SHC3: variants seen among roughly 807,000 people sequenced by gnomAD.
The protein encoded by SHC3 is SHC-transforming protein 3.
A neutral mutation model predicts 60.4 loss-of-function variants in SHC3; 15 were observed. That is an observed-to-expected ratio of 0.25 (90% CI 0.17 to 0.38). SHC3 has a LOEUF of 0.38. SHC3 is among the 10% of genes least tolerant of loss of function. SHC3 has a pLI of 1.00. For missense variants in SHC3, 677 were observed against 786.1 expected (o/e 0.86, Z 1.66); for synonymous variants, 294 against 325.9 (o/e 0.90, Z 1.05).
At chr9:89,105,508 T>C (rs142462891) in intron 2 of SHC3, among the ~76,000 whole-genome samples, 1 of 152,326 alleles carries the variant, frequency 6.6e-6, no homozygotes, top group Non-Finnish European at 1.5e-5. Flanking sequence ...AAATGGCATG[T>C]TCATATGGTT....
chr9:89,165,324 T>C (rs988720839), intron 1 of SHC3, among the ~76,000 whole-genome samples: 1 of 151,920 alleles, frequency 6.6e-6, no homozygotes, highest in African/African-American at 2.4e-5. Flanking sequence ...AGATCATTTT[T>C]GGGGATTATC....
intron 1 of SHC3, among the ~76,000 whole-genome samples, chr9:89,153,530 G>A (rs975897880): frequency 6.6e-6 from 1 of 152,190 alleles, no homozygotes; most frequent in African/African-American, 2.4e-5. Context: ...GGCTCATGCT[G>A]TTACTGCTGT....
chr9:89,177,426 A>G (rs1826956540), intron 1 of SHC3, among the ~76,000 whole-genome samples: 1 of 152,218 alleles, frequency 6.6e-6, no homozygotes, highest in Admixed American at 6.5e-5. Flanking sequence ...ACAAACCCCA[A>G]GAAAACCTGG....
chr9:89,156,572 A>C (rs183927094), intron 1 of SHC3, among the ~76,000 whole-genome samples: 123 of 152,296 alleles, frequency 8.1e-4, no homozygotes, highest in African/African-American at 2.4e-3. Flanking sequence ...ACAACAACAA[A>C]AAAAAACTTA....
At position 89,178,395 on chromosome 9, in the gene SHC3, G is replaced by A. The variant is rs147892555; in HGVS notation, c.66C>T (p.Leu22=). The change falls in exon 1 of 12, where the codon CTC becomes CTT. Residue 22 remains leucine (L), a synonymous_variant. Transcript: ENST00000375835. The surrounding 1 kb of genome is among the most constrained non-coding windows in gnomAD (Gnocchi z 6.9). ...CGCCGCCGCTCACCGACAGGCTGTG[G>A]AGAAGGTCATCGACCGATGTCACCG... The part of the protein sequence containing the change: ...NDSVTSVDDL[L]HSLSVSGGGG... The A allele has an allele frequency of 1.7e-4, 270 of 1,562,892 alleles. No homozygotes were observed. The African/African-American group carries it at 3.2e-3, about 19-fold the overall frequency.
At chr9:89,101,802 T>TA (rs1355758337) in intron 2 of SHC3, among the ~76,000 whole-genome samples, 1 of 152,096 alleles carries the variant, frequency 6.6e-6, no homozygotes, top group African/African-American at 2.4e-5. Flanking sequence ...TCTTTTCTTG[T>TA]AATGCCTTTG....
intron 2 of SHC3, among the ~76,000 whole-genome samples, chr9:89,102,025 CT>C (rs1220062651): frequency 6.6e-6 from 1 of 152,038 alleles, no homozygotes; most frequent in Non-Finnish European, 1.5e-5. Context: ...CAGATTATCT[CT>C]TTTTTTCTTT....
At chr9:89,025,803 T>C (rs982545101) in intron 11 of SHC3, among the ~76,000 whole-genome samples, 4 of 152,238 alleles carry the variant, frequency 2.6e-5, no homozygotes, top group African/African-American at 4.8e-5. Context: ...TCCTTGGCAA[T>C]ATGTCTTTGG....
intron 10 of SHC3, 50 bp from the exon 11 acceptor site, chr9:89,038,338 A>T: frequency 1.5e-6 from 2 of 1,319,518 alleles, no homozygotes; most frequent in Non-Finnish European, 2.0e-6. Context: ...AGAAGAGCAA[A>T]TGATAAAAAA....
At chr9:89,148,052 G>A (rs1826495559) in intron 1 of SHC3, among the ~76,000 whole-genome samples, 1 of 152,238 alleles carries the variant, frequency 6.6e-6, no homozygotes, top group African/African-American at 2.4e-5. Context: ...CCCCTAGTGA[G>A]TAGGACTGGA....
In SHC3 at chr9:89,063,091, GGGT is replaced by G. The variant is rs769579756; in HGVS notation, c.835+2435_835+2437del. Reference sequence around the variant, plus strand: ...AATTCCTTGACATTCTTTCCTTGAAGGGTACATGTGGCTTCCTTCCCCCTTGAG... The same window carrying G: ...AATTCCTTGACATTCTTTCCTTGAAGACATGTGGCTTCCTTCCCCCTTGAG... On this transcript the variant is annotated intron_variant, in intron 6 of 11. Transcript: ENST00000375835. Among the ~76,000 whole-genome samples, 14 of 152,322 alleles carry G rather than the reference GGGT, an allele frequency of 9.2e-5. 2 individuals are homozygous for G. Among genetic ancestry groups the G allele is most frequent in the Admixed American group, 7.8e-4 (12 of 15,292 alleles).
Position 89,083,841 on chromosome 9 carries a change from G to GC in SHC3, c.546-5939_546-5938insG, listed in dbSNP as rs1156384518. On this transcript the variant is annotated intron_variant, in intron 2 of 11. Transcript: ENST00000375835. ...GCCATGTCTGAGAGCTGGATTTGCA[G>GC]TAGGGACAGAGCTGGGAGGCTGCCA... 1.2e-4 allele frequency among the ~76,000 whole-genome samples: 19 copies of GC among 152,276 alleles called. No individual in the cohort carries two copies. In the East Asian group the frequency reaches 3.7e-3, roughly 29 times the overall value.
chr9:89,050,488 G>A (rs1786012514), intron 7 of SHC3, among the ~76,000 whole-genome samples: 1 of 152,146 alleles, frequency 6.6e-6, no homozygotes, highest in African/African-American at 2.4e-5. Context: ...ATTTCACTCT[G>A]TTGGCCAGGC....
rs185284933 is a variant in SHC3, at chr9:89,022,150, T to C, written c.1657-8575A>G. Among the ~76,000 whole-genome samples, 437 of 152,212 alleles carry C rather than the reference T, an allele frequency of 2.9e-3. 9 individuals are homozygous for C. The highest frequency in any genetic ancestry group is 5.0e-4 in the Non-Finnish European group (34 of 68,020). On this transcript the variant is annotated intron_variant, in intron 11 of 11. Coordinates refer to ENST00000375835, the MANE Select transcript of SHC3 (RefSeq NM_016848.6). ...GCCCCACCCCACATCCCAACAGGGC[T>C]GGACCATGATCTTAGCCAAGACCCA...
intron 2 of SHC3, chr9:89,110,580 T>C (rs1483885841): frequency 5.1e-5 from 30 of 583,362 alleles, no homozygotes; most frequent in Non-Finnish European, 6.5e-5. Flanking sequence ...CTGAAGTTGA[T>C]TTGTCAAATT....
rs113122787 is a variant in SHC3 at position 89,020,905 on chromosome 9, G to T, written c.1657-7330C>A. 7.0e-3 allele frequency among the ~76,000 whole-genome samples: 1,063 copies of T among 152,282 alleles called. 10 individuals are homozygous for T. Among genetic ancestry groups the T allele is most frequent in the African/African-American group, 0.024 (995 of 41,546 alleles). The stretch of plus-strand genomic sequence containing the variant: ...GTGATCCTCCAAAGTGCCCAGTGGT[G>T]GAAGGATGCAGGGGAGAGCCTCCTG... On this transcript the variant is annotated intron_variant, in intron 11 of 11. Transcript: ENST00000375835.
At chr9:89,132,071 C>A (rs1274807205) in intron 1 of SHC3, among the ~76,000 whole-genome samples, 3 of 152,184 alleles carry the variant, frequency 2.0e-5, no homozygotes, top group Non-Finnish European at 4.4e-5. Context: ...TCTCAGGATA[C>A]AAAATCAATG....
chr9:89,034,470 C>T (rs1027125929), intron 11 of SHC3, among the ~76,000 whole-genome samples: 7 of 152,184 alleles, frequency 4.6e-5, no homozygotes, highest in Non-Finnish European at 1.0e-4. Flanking sequence ...CCTCTGTAGG[C>T]GCCCCTAGTC....
intron 2 of SHC3, among the ~76,000 whole-genome samples, chr9:89,094,371 C>T (rs1173282072): frequency 6.6e-6 from 1 of 152,084 alleles, no homozygotes; most frequent in Non-Finnish European, 1.5e-5. Context: ...TGAGCATCAG[C>T]CACTGGGTGA....
Sources: allele counts gnomAD v4.1 joint callset (sites outside exome capture counted in the v4.1 genomes callset), GRCh38; gene constraint gnomAD v4.1.1; non-coding constraint Gnocchi (gnomAD v3.1); transcripts MANE v1.5; gene names NCBI Gene and HGNC (gene_info 2026-07-23, HGNC 2026-07-21).